EEFSEC: variants seen among roughly 807,000 people sequenced by gnomAD.
EEFSEC encodes selenocysteine-specific elongation factor.
EEFSEC carries 43 observed loss-of-function variants against 42.1 expected under a neutral mutation model. The observed-to-expected ratio is 1.02, with a 90% confidence interval of 0.80 to 1.32. The LOEUF is 1.32. Among genes scored for constraint, EEFSEC ranks in the 40% most tolerant of loss-of-function variants. The probability of loss-of-function intolerance (pLI) is 0.00; values close to 1 mark genes in which losing one functional copy is unlikely to be tolerated. For missense variants in EEFSEC, 745 were observed against 803.6 expected (o/e 0.93, Z 0.88); for synonymous variants, 354 against 339.1 (o/e 1.04, Z -0.48).
At chr3:128,341,936 G>C (rs758086477) in intron 5 of EEFSEC, 47 bp downstream of exon 5, 1 of 1,576,034 alleles carries the variant, frequency 6.3e-7, no homozygotes, top group Non-Finnish European at 8.6e-7. Flanking sequence ...TTCTTGCTCG[G>C]GCAGCTGGGA....
chr3:128,377,060 A>G (rs988884515), intron 6 of EEFSEC, among the ~76,000 whole-genome samples: 1 of 152,170 alleles, frequency 6.6e-6, no homozygotes, highest in East Asian at 1.9e-4. Context: ...TTAATAACCT[A>G]GAAGTATAAT....
intron 6 of EEFSEC, among the ~76,000 whole-genome samples, chr3:128,396,671 TG>T (rs1165898163): frequency 2.6e-5 from 4 of 152,214 alleles, no homozygotes; most frequent in African/African-American, 9.7e-5. Context: ...ACGTTCTTGC[TG>T]TGTTACCTTG....
chr3:128,201,828 A>G (rs1352761339), intron 1 of EEFSEC, among the ~76,000 whole-genome samples: 1 of 152,226 alleles, frequency 6.6e-6, no homozygotes, highest in Non-Finnish European at 1.5e-5. Context: ...AAGCTTAATG[A>G]CATTAGCGTT....
chr3:128,361,693 C>T (rs1168793065), intron 6 of EEFSEC, among the ~76,000 whole-genome samples: 2 of 152,220 alleles, frequency 1.3e-5, no homozygotes, highest in Non-Finnish European at 2.9e-5. Context: ...AAGGAGCCTT[C>T]CCAGAGAGTC....
chr3:128,255,275 G>A (rs2066230043), intron 2 of EEFSEC, among the ~76,000 whole-genome samples: 1 of 152,168 alleles, frequency 6.6e-6, no homozygotes, highest in Admixed American at 6.5e-5. Context: ...GGACGTGAAG[G>A]ATAGTCAAGG....
intron 6 of EEFSEC, among the ~76,000 whole-genome samples, chr3:128,392,487 C>A (rs1211329308): frequency 6.6e-6 from 1 of 152,210 alleles, no homozygotes; most frequent in Non-Finnish European, 1.5e-5. Context: ...CTCAGCTCAC[C>A]CGTGACAGAA....
intron 6 of EEFSEC, among the ~76,000 whole-genome samples, chr3:128,394,614 C>T (rs2067958412): frequency 6.6e-6 from 1 of 152,124 alleles, no homozygotes; most frequent in Non-Finnish European, 1.5e-5. Context: ...AAAGAGTATA[C>T]ACATTTAGGG....
chr3:128,280,286 TATTTA>T lies in EEFSEC; in HGVS notation c.786+15509_786+15513del, dbSNP rs552380868. Among the ~76,000 whole-genome samples the T allele has an allele frequency of 5.6e-3, 849 of 152,378 alleles. 7 individuals carry two copies. The highest frequency in any genetic ancestry group is 0.024 in the Middle Eastern group (7 of 294). On this transcript the variant is annotated intron_variant, in intron 4 of 6. Transcript: ENST00000254730. ...GAAAGAGAGCTTTCATGTTTCAGTC[TATTTA>T]ATTGGTGTTTAAATCTTTTACAACG... is the stretch of plus-strand genomic sequence containing the variant.
At position 128,341,858 on chromosome 3, in the gene EEFSEC, A is replaced by G. The variant is rs2067259161; in HGVS notation, c.1412A>G (p.Lys471Arg). The change falls in exon 5 of 7, where the codon AAG (lysine) becomes AGG (arginine). Residue 471 changes from lysine to arginine, a missense_variant. Transcript: ENST00000254730. ...TTCCTGCCCAGGCTGAAGGTGTACA[A>G]GCTGAAGCACAAGCATGGCCTTGTG... ...DSFLPRLKVY[K>R]LKHKHGLVER... 11 of 1,613,800 alleles carry G rather than the reference A, an allele frequency of 6.8e-6. No homozygotes were observed. Among genetic ancestry groups the G allele is most frequent in the Non-Finnish European group, 9.3e-6 (11 of 1,180,024 alleles).
intron 1 of EEFSEC, among the ~76,000 whole-genome samples, chr3:128,180,781 C>T (rs2811478): frequency 0.14 from 21,070 of 152,182 alleles, 1,661 homozygotes; most frequent in African/African-American, 0.21. Context: ...CTGGGAATTG[C>T]TGCTTTACTC....
chr3:128,363,542 A>G (rs2107596340), intron 6 of EEFSEC, among the ~76,000 whole-genome samples: 1 of 152,062 alleles, frequency 6.6e-6, no homozygotes, highest in East Asian at 1.9e-4. Context: ...TGAAATGACT[A>G]CCCTATGGCC....
chr3:128,244,803 A>C (rs538554835), intron 1 of EEFSEC, among the ~76,000 whole-genome samples: 12 of 152,268 alleles, frequency 7.9e-5, no homozygotes, highest in African/African-American at 2.2e-4. Flanking sequence ...CGTATACCTT[A>C]TCCCCTTTTC....
chr3:128,394,955 AAAGG>A (rs1263771069), intron 6 of EEFSEC, among the ~76,000 whole-genome samples: 5 of 152,184 alleles, frequency 3.3e-5, no homozygotes, highest in African/African-American at 7.2e-5. Flanking sequence ...GTTTGGGCAC[AAAGG>A]AAGGAGAGAG....
At chr3:128,213,593 C>T (rs1039349161) in intron 1 of EEFSEC, among the ~76,000 whole-genome samples, 7 of 151,946 alleles carry the variant, frequency 4.6e-5, no homozygotes, top group Non-Finnish European at 1.0e-4. Flanking sequence ...TGAGCTCCTG[C>T]TTGTGGGGGA....
Position 128,188,350 on chromosome 3 carries a change from A to AGGCAGGCAGGCTGAGGGGGT in EEFSEC, c.316+34536_316+34555dup, listed in dbSNP as rs1333962943. On this transcript the variant is annotated intron_variant, in intron 1 of 6. Transcript: ENST00000254730. ...TGCTGCGATCATGATGAGGGCTGGC[A>AGGCAGGCAGGCTGAGGGGGT]GGCAGGCAGGCTGAGGGGGTGGCAG... Among the ~76,000 whole-genome samples the AGGCAGGCAGGCTGAGGGGGT allele has an allele frequency of 2.2e-4, 33 of 152,284 alleles. 1 individual carries two copies. In the South Asian group the frequency reaches 6.6e-3, roughly 31 times the overall value.
intron 4 of EEFSEC, among the ~76,000 whole-genome samples, chr3:128,297,332 A>G (rs1390827184): frequency 1.3e-5 from 2 of 152,154 alleles, no homozygotes; most frequent in Non-Finnish European, 2.9e-5. Flanking sequence ...TAACTTTCGG[A>G]GAACTGGCTC....
intron 6 of EEFSEC, among the ~76,000 whole-genome samples, chr3:128,372,368 T>A (rs570700227): frequency 6.6e-6 from 1 of 152,308 alleles, no homozygotes; most frequent in Non-Finnish European, 1.5e-5. Context: ...TGGACTGCCA[T>A]GGCAGCTGGT....
At chr3:128,275,470 G>A (rs1226810276) in intron 4 of EEFSEC, among the ~76,000 whole-genome samples, 1 of 152,240 alleles carries the variant, frequency 6.6e-6, no homozygotes, top group African/African-American at 2.4e-5. Context: ...TACTGTTGAT[G>A]CGTGTCATGT....
intron 4 of EEFSEC, among the ~76,000 whole-genome samples, chr3:128,274,317 G>A (rs2066444409): frequency 6.6e-6 from 1 of 152,216 alleles, no homozygotes; most frequent in African/African-American, 2.4e-5. Context: ...CCGAGTCGCA[G>A]CAAAGAGGAG....
Sources: gnomAD v4.1 joint callset for allele counts (sites outside exome capture counted in the v4.1 genomes callset) on GRCh38, gnomAD v4.1.1 for gene constraint, MANE v1.5 for transcripts, NCBI Gene and HGNC (gene_info 2026-07-23, HGNC 2026-07-21) for gene names.